FANCG: variants seen among roughly 807,000 people sequenced by gnomAD.
FANCG encodes the protein Fanconi anemia group G protein.
Under a neutral mutation model 73.3 loss-of-function variants are expected in FANCG, and 67 were observed. That is an observed-to-expected ratio of 0.91 (90% CI 0.75 to 1.12). The LOEUF is 1.12. Ranked by LOEUF, FANCG falls within the 50% of genes most tolerant of loss-of-function variation. FANCG has a pLI of 0.00. For missense variants in FANCG, 643 were observed against 735.6 expected, an observed-to-expected ratio of 0.87 and a Z score of 1.46; for synonymous variants, 297 against 311.6, an observed-to-expected ratio of 0.95 and a Z score of 0.49.
Position 35,078,609 on chromosome 9 carries a change from C to T in FANCG, c.303G>A (p.Glu101=), listed in dbSNP as rs1185376630. ...GGGACAATCTCTGGCCCTCACCTCT[C>T]TCTAGGCTCCGCTGGATATCCTGGG... ...DQAQDIQRSL[E]RVLETQEQQG... The change falls in exon 3 of 14, where the codon GAG becomes GAA. Residue 101 remains glutamate (E), a synonymous_variant. Transcript: ENST00000378643. The T allele has an allele frequency of 6.2e-7, 1 of 1,614,170 alleles. No individual in the cohort carries two copies. The highest frequency in any genetic ancestry group is 1.3e-5 in the African/African-American group (1 of 75,034).
chr9:35,079,320 C>G (rs1040677481), intron 1 of FANCG, 79 bp from the exon 2 acceptor site: 1 of 1,542,106 alleles, frequency 6.5e-7, no homozygotes, highest in Admixed American at 1.7e-5. Context: ...GATGCATTCT[C>G]CAGTCATTTC....
chr9:35,074,214 G>A lies in FANCG; in HGVS notation c.1763C>T (p.Ser588Phe), dbSNP rs1420316004. ...TKGSHEDALW[S>F]LPLYLESYLS... ...ATAGCTTTCTAGGTACAGGGGGAGAGACCTGGAGAGAAAGAAGGATGATGC... is the reference window on the plus strand; with the variant it reads ...ATAGCTTTCTAGGTACAGGGGGAGAAACCTGGAGAGAAAGAAGGATGATGC... The change falls in exon 14 of 14, where the codon TCT becomes TTT. Residue 588 changes from serine (S) to phenylalanine (F), a missense_variant and splice_region_variant. Coordinates refer to ENST00000378643, the MANE Select transcript of FANCG (RefSeq NM_004629.2). The A allele has an allele frequency of 5.0e-6, 8 of 1,613,874 alleles. No individual in the cohort carries two copies. The highest frequency in any genetic ancestry group is 6.8e-6 in the Non-Finnish European group (8 of 1,179,682).
chr9:35,078,678 A>G lies in FANCG; in HGVS notation c.234T>C (p.Ile78=). ...PLELTVTCNF[I]ILRASLAQGF... ...CCTGGGCCAAGCTTGCCCTCAGGAT[A>G]ATGAAGTTGCAGGTGACAGTCAGCT... Residue 78 remains isoleucine, a synonymous_variant, in exon 3 of 14, where the codon ATT becomes ATC. Coordinates refer to ENST00000378643, the MANE Select transcript of FANCG (RefSeq NM_004629.2). 3 of 1,614,128 alleles carry G rather than the reference A, an allele frequency of 1.9e-6. No homozygotes were observed. The highest frequency in any genetic ancestry group is 2.5e-6 in the Non-Finnish European group (3 of 1,180,020).
chr9:35,079,599 C>G lies in FANCG; in HGVS notation c.-75G>C. ...AGCTGGCCTGCCCAAGCTCCCAACC[C>G]CAGCGGGGAGGGGCCTGGGCACTTC... On this transcript the variant is annotated 5_prime_UTR_variant, in exon 1 of 14. Coordinates refer to ENST00000378643, the MANE Select transcript of FANCG (RefSeq NM_004629.2). The G allele has an allele frequency of 6.7e-7, 1 of 1,500,618 alleles. No homozygotes were observed. Among genetic ancestry groups the G allele is most frequent in the South Asian group, 1.1e-5 (1 of 88,570 alleles). The allele number at this position is 1,500,618 out of a possible 1,614,324, so 93.0% of individuals were successfully genotyped here.
At position 35,076,530 on chromosome 9, in the gene FANCG, T is replaced by C. The variant is rs1472063855; in HGVS notation, c.978A>G (p.Glu326=). 3 of 1,614,166 alleles carry C rather than the reference T, an allele frequency of 1.9e-6. No individual in the cohort carries two copies. Among genetic ancestry groups the C allele is most frequent in the Middle Eastern group, 1.7e-4 (1 of 6,060 alleles). ...CTAGGTCAGGTGGTGGCAGTAGTAA[T>C]TCTACCTCAATGAGAAACTGCGGGG... is the stretch of plus-strand genomic sequence containing the variant. ...SKAPQFLIEV[E]LLLPPPDLAS... is the part of the protein sequence containing the mutation. The change falls in exon 8 of 14, where the codon GAA becomes GAG. Residue 326 remains glutamate, a synonymous_variant. Transcript: ENST00000378643.
In FANCG at chr9:35,079,158, A is replaced by G. The variant is rs2131059736; in HGVS notation, c.168T>C (p.Ser56=). 1 of 1,607,064 alleles carries G rather than the reference A, an allele frequency of 6.2e-7. No homozygotes were observed. Among genetic ancestry groups the G allele is most frequent in the Non-Finnish European group, 8.5e-7 (1 of 1,176,914 alleles). The change falls in exon 2 of 14, where the codon AGT becomes AGC. Residue 56 remains serine (S), a synonymous_variant. Transcript: ENST00000378643. ...TGGGGAGGACCCGCCTACCTTGCAG[A>G]CTATGGAGGAGCCCTCTGAGCCCTT... ...ALEGLRGLLH[S]LQGLPAAVPV... is the part of the protein sequence containing the mutation.
chr9:35,077,521 C>CA, intron 4 of FANCG, 122 bp from the exon 5 acceptor site: 12 of 1,206,848 alleles, frequency 9.9e-6, no homozygotes, highest in African/African-American at 1.5e-5. Context: ...ACACAGGCCT[C>CA]AGCTACCCTT....
In FANCG at chr9:35,074,048, C is replaced by T; in HGVS notation, c.*60G>A. On this transcript the variant is annotated 3_prime_UTR_variant, in exon 14 of 14. Transcript: ENST00000378643. The stretch of plus-strand genomic sequence containing the variant: ...TTCCTAATGATGGTGAAGCAGAAAG[C>T]CCTCCCCACAGAGAGACAGCCCACT... The T allele has an allele frequency of 1.7e-6, 2 of 1,189,238 alleles. No homozygotes were observed. The highest frequency in any genetic ancestry group is 2.5e-6 in the Non-Finnish European group (2 of 792,304). 73.7% of individuals were successfully genotyped at this position (1,189,238 alleles called of 1,614,324 possible).
intron 12 of FANCG, 82 bp downstream of exon 12, chr9:35,074,845 T>TA: frequency 6.4e-7 from 1 of 1,561,618 alleles, no homozygotes; most frequent in Non-Finnish European, 8.8e-7. Flanking sequence ...ACACCACTCT[T>TA]ACACTTACGC....
Position 35,075,746 on chromosome 9 carries a change from TGGG to T in FANCG, c.1149_1151del (p.Pro386del). ...TACAGGGCCCTGGAGGGGAGGGGGG[TGGG>T]GAGAACTGGAGTGGGAAGAAGAAGC... On this transcript the variant is annotated inframe_deletion, in exon 10 of 14. Transcript: ENST00000378643. 2.0e-6 allele frequency: 1 copy of T among 504,280 alleles called. No individual in the cohort carries two copies. Among genetic ancestry groups the T allele is most frequent in the Non-Finnish European group, 3.6e-6 (1 of 274,832 alleles). 31.2% of individuals were successfully genotyped at this position (504,280 alleles called of 1,614,324 possible). A position where few individuals can be genotyped will look rare whatever the true frequency, so the allele number is the denominator to read the frequency against.
Position 35,078,103 on chromosome 9 carries a change from G to A in FANCG, c.510+38C>T, listed in dbSNP as rs17885506. On this transcript the variant is annotated intron_variant, in intron 4 of 13. Transcript: ENST00000378643. ...CTGGAGAGAAAGGAGGAGGAAGGAAGGAGGAGACCCTCAGCTTCAGGTCAC... is the reference window on the plus strand; with the variant it reads ...CTGGAGAGAAAGGAGGAGGAAGGAAAGAGGAGACCCTCAGCTTCAGGTCAC... 22,567 of 1,577,252 alleles carry A rather than the reference G, an allele frequency of 0.014. 234 individuals carry two copies. Among genetic ancestry groups the A allele is most frequent in the Middle Eastern group, 0.036 (218 of 5,986 alleles).
Position 35,075,058 on chromosome 9 carries a change from C to A in FANCG, c.1505G>T (p.Gly502Val), listed in dbSNP as rs1829057065. The change falls in exon 12 of 14, where the codon GGA (glycine) becomes GTA (valine). Residue 502 changes from glycine to valine, a missense_variant. Coordinates refer to ENST00000378643, the MANE Select transcript of FANCG (RefSeq NM_004629.2). ...CTGCAGTGCCGCATCTGACTTACAT[C>A]CCTGCTCACAGTTGAAAGCTGCCCC... Reference protein sequence around the residue: ...EQGAAFNCEQGCKSDAALQQL... With the variant: ...EQGAAFNCEQVCKSDAALQQL... The A allele has an allele frequency of 6.2e-7, 1 of 1,614,166 alleles. No homozygotes were observed. Among genetic ancestry groups the A allele is most frequent in the Non-Finnish European group, 8.5e-7 (1 of 1,180,054 alleles).
rs1304316655 is a variant in FANCG, at chr9:35,075,053, T to G, written c.1510A>C (p.Lys504Gln). The G allele has an allele frequency of 1.8e-5, 29 of 1,614,076 alleles. No homozygotes were observed. In the Admixed American group the frequency reaches 4.7e-4, roughly 26 times the overall value. ...AGCTGCTGCAGTGCCGCATCTGACT[T>G]ACATCCCTGCTCACAGTTGAAAGCT... ...GAAFNCEQGCKSDAALQQLRA... is the reference protein window; with the variant it reads ...GAAFNCEQGCQSDAALQQLRA... The change falls in exon 12 of 14, where the codon AAG (lysine) becomes CAG (glutamine). Residue 504 changes from lysine (K) to glutamine (Q), a missense_variant. Physicochemically the swap from Lys to Gln is moderately conservative, Grantham distance 53. Transcript: ENST00000378643.
chr9:35,079,672 G>C lies in FANCG; in HGVS notation c.-148C>G. ...CTTCTCTCGGGGTCCCAATCCACCCGCCCAGGCTTTCCAGGACAGATGGGA... is the reference window on the plus strand; with the variant it reads ...CTTCTCTCGGGGTCCCAATCCACCCCCCCAGGCTTTCCAGGACAGATGGGA... On this transcript the variant is annotated 5_prime_UTR_variant, in exon 1 of 14. Transcript: ENST00000378643. The C allele has an allele frequency of 1.3e-6, 1 of 774,256 alleles. No homozygotes were observed. The highest frequency in any genetic ancestry group is 2.2e-6 in the Non-Finnish European group (1 of 453,540). 48.0% of individuals were successfully genotyped at this position (774,256 alleles called of 1,614,324 possible). A position where few individuals can be genotyped will look rare whatever the true frequency, so the allele number is the denominator to read the frequency against.
In FANCG at chr9:35,078,658, G is replaced by A. The variant is rs1829129634; in HGVS notation, c.254C>T (p.Ala85Val). Reference sequence around the variant, plus strand: ...GGCCTGATCCTCTGTGAAACCCTGGGCCAAGCTTGCCCTCAGGATAATGAA... The same window carrying A: ...GGCCTGATCCTCTGTGAAACCCTGGACCAAGCTTGCCCTCAGGATAATGAA... Reference protein sequence around the residue: ...CNFIILRASLAQGFTEDQAQD... With the variant: ...CNFIILRASLVQGFTEDQAQD... The change falls in exon 3 of 14, where the codon GCC (alanine) becomes GTC (valine). Residue 85 changes from alanine to valine, a missense_variant. Coordinates refer to ENST00000378643, the MANE Select transcript of FANCG (RefSeq NM_004629.2). The A allele has an allele frequency of 6.2e-7, 1 of 1,614,014 alleles. No homozygotes were observed.
intron 8 of FANCG, 53 bp from the exon 9 acceptor site, chr9:35,076,081 A>T: frequency 1.3e-6 from 2 of 1,504,098 alleles, no homozygotes; most frequent in Non-Finnish European, 1.9e-6. Context: ...GGGAACCTGC[A>T]AGGGTCCTGA....
chr9:35,079,598 C>G lies in FANCG; in HGVS notation c.-74G>C. 6.6e-7 allele frequency: 1 copy of G among 1,507,246 alleles called. No individual in the cohort carries two copies. Among genetic ancestry groups the G allele is most frequent in the Non-Finnish European group, 9.2e-7 (1 of 1,085,280 alleles). 93.4% of individuals were successfully genotyped at this position (1,507,246 alleles called of 1,614,324 possible). On this transcript the variant is annotated 5_prime_UTR_variant, in exon 1 of 14. Coordinates refer to ENST00000378643, the MANE Select transcript of FANCG (RefSeq NM_004629.2). The stretch of plus-strand genomic sequence containing the variant: ...AAGCTGGCCTGCCCAAGCTCCCAAC[C>G]CCAGCGGGGAGGGGCCTGGGCACTT...
Position 35,079,474 on chromosome 9 carries a change from C to T in FANCG, c.51G>A (p.Arg17=), listed in dbSNP as rs2131060330. The T allele has an allele frequency of 1.2e-6, 2 of 1,614,158 alleles. No homozygotes were observed. The highest frequency in any genetic ancestry group is 1.7e-6 in the Non-Finnish European group (2 of 1,180,036). Residue 17 remains arginine (R), a synonymous_variant, in exon 1 of 14, where the codon AGG becomes AGA. Coordinates refer to ENST00000378643, the MANE Select transcript of FANCG (RefSeq NM_004629.2). The stretch of plus-strand genomic sequence containing the variant: ...GTCGAACGAGCCGGTCATTCTTTTC[C>T]CTCCACAGGTCCAGGCAGCTGGAGC... ...SVGSSCLDLW[R]EKNDRLVRQA... is the part of the protein sequence containing the mutation.
At chr9:35,074,615 G>T in intron 12 of FANCG, 121 bp from the exon 13 acceptor site, 1 of 1,335,470 alleles carries the variant, frequency 7.5e-7, no homozygotes, top group Non-Finnish European at 1.1e-6. Flanking sequence ...ACATATGGAA[G>T]CGGGGGCAGA....
Sources: allele counts gnomAD v4.1 joint callset, GRCh38; gene constraint gnomAD v4.1.1; transcripts MANE v1.5; gene names NCBI Gene and HGNC (gene_info 2026-07-23, HGNC 2026-07-21).